Variants in FHAD1 observed in about 807,000 individuals in gnomAD.
FHAD1 encodes forkhead-associated domain-containing protein 1.
Under a neutral mutation model 191.3 loss-of-function variants are expected in FHAD1, and 146 were observed. The ratio of observed to expected loss-of-function variants is 0.76; its 90% CI spans 0.67 to 0.88. The LOEUF (loss-of-function observed/expected upper bound fraction) is 0.88, where lower values mean the gene tolerates loss of function less well. FHAD1 is among the 40% of genes least tolerant of loss of function. The probability of loss-of-function intolerance (pLI) is 0.00; values close to 1 mark genes in which losing one functional copy is unlikely to be tolerated. For missense variants in FHAD1, 1,635 were observed against 1,785.8 expected (o/e 0.92, Z 1.52); for synonymous variants, 616 against 672.3 (o/e 0.92, Z 1.29).
intron 19 of FHAD1, among the ~76,000 whole-genome samples, chr1:15,349,962 C>T (rs139354797): frequency 3.8e-4 from 58 of 152,294 alleles, no homozygotes; most frequent in African/African-American, 7.2e-5. Flanking sequence ...AGCTGGGGGG[C>T]CAGGAGGAGG....
At chr1:15,395,272 C>T (rs935157755) in intron 33 of FHAD1, among the ~76,000 whole-genome samples, 2 of 141,556 alleles carry the variant, frequency 1.4e-5, no homozygotes, top group African/African-American at 2.8e-5. Context: ...CACGCCACTG[C>T]AGTCCAGCCT....
chr1:15,340,873 G>C (rs1049822149), intron 15 of FHAD1, among the ~76,000 whole-genome samples: 3 of 152,044 alleles, frequency 2.0e-5, no homozygotes, highest in Non-Finnish European at 4.4e-5. Context: ...TGATAAGCAT[G>C]GCACTGTTCC....
At position 15,272,443 on chromosome 1, in the gene FHAD1, G is replaced by C. The variant is rs765416342; in HGVS notation, c.214G>C (p.Val72Leu). The C allele has an allele frequency of 1.3e-6, 2 of 1,551,576 alleles. No homozygotes were observed. Among genetic ancestry groups the C allele is most frequent in the Non-Finnish European group, 1.7e-6 (2 of 1,146,994 alleles). Reference sequence around the variant, plus strand: ...TGTCAACGAGTGCCACATTCAAAACGTGGCTGTGAAGCTCATCCCTGGAGA... The same window carrying C: ...TGTCAACGAGTGCCACATTCAAAACCTGGCTGTGAAGCTCATCCCTGGAGA... ...TFVNECHIQN[V>L]AVKLIPGDIL... Residue 72 changes from valine to leucine, a missense_variant, in exon 3 of 34, where the codon GTG becomes CTG. Coordinates refer to ENST00000688493, the MANE Select transcript of FHAD1 (RefSeq NM_001391957.1).
intron 6 of FHAD1, among the ~76,000 whole-genome samples, chr1:15,303,082 A>C (rs926369551): frequency 3.3e-5 from 5 of 152,204 alleles, no homozygotes; most frequent in African/African-American, 1.2e-4. Context: ...GTGACTACCC[A>C]GTGCCAGGCC....
At chr1:15,258,984 A>T (rs187919448) in intron 2 of FHAD1, among the ~76,000 whole-genome samples, 148 of 152,254 alleles carry the variant, frequency 9.7e-4, no homozygotes, top group African/African-American at 3.3e-3. Flanking sequence ...TTTTTGAGGA[A>T]CTGCCATACT....
At chr1:15,265,961 A>G in intron 2 of FHAD1, among the ~76,000 whole-genome samples, 1 of 94,806 alleles carries the variant, frequency 1.1e-5, no homozygotes. Context: ...ACAGAGCAAG[A>G]CTCCATCTCA....
At chr1:15,356,980 T>C (rs1186687296) in intron 20 of FHAD1, among the ~76,000 whole-genome samples, 1 of 152,210 alleles carries the variant, frequency 6.6e-6, no homozygotes, top group African/African-American at 2.4e-5. Flanking sequence ...AGCCGATTTC[T>C]TTTCTTCTCC....
chr1:15,339,931 T>G (rs187620379), intron 15 of FHAD1, among the ~76,000 whole-genome samples: 1 of 152,300 alleles, frequency 6.6e-6, no homozygotes, highest in African/African-American at 2.4e-5. Flanking sequence ...GTTCAAGTGA[T>G]TCTCCTGCTT....
At position 15,328,345 on chromosome 1, in the gene FHAD1, GA is replaced by G. The variant is rs1287185945; in HGVS notation, c.1629del (p.Glu544ArgfsTer4). The G allele has an allele frequency of 6.5e-7, 1 of 1,547,758 alleles. No homozygotes were observed. Among genetic ancestry groups the G allele is most frequent in the Non-Finnish European group, 8.7e-7 (1 of 1,145,976 alleles). On this transcript the variant is annotated frameshift_variant, in exon 13 of 34. Coordinates refer to ENST00000688493, the MANE Select transcript of FHAD1 (RefSeq NM_001391957.1). LOFTEE classifies it high-confidence loss of function. ...TTCAGCAGAAAAAGTGGACCCTCCA[GA>G]AAGAGACCCAGCTGAGCAACTCCAA... Reference protein sequence around the residue: ...NFQQKKWTLQKETQLSNSKQE... With the variant: ...NFQQKKWTLQXETQLSNSKQE...
At chr1:15,297,843 A>T (rs867917603) in intron 5 of FHAD1, among the ~76,000 whole-genome samples, 1 of 151,288 alleles carries the variant, frequency 6.6e-6, no homozygotes, top group Non-Finnish European at 1.5e-5. Context: ...CCACAGATTT[A>T]TTTTTTTAAG....
downstream of FHAD1, among the ~76,000 whole-genome samples, chr1:15,400,737 C>T (rs937540315): frequency 5.3e-5 from 8 of 152,226 alleles, no homozygotes; most frequent in Non-Finnish European, 7.3e-5. Flanking sequence ...TCCACTGCCA[C>T]GCTTTGTCTC....
chr1:15,311,981 G>A lies in FHAD1; in HGVS notation c.1040-1076G>A, dbSNP rs1356958635. 1 of 152,274 alleles carries A rather than the reference G, an allele frequency of 6.6e-6. No homozygotes were observed. The highest frequency in any genetic ancestry group is 2.4e-5 in the African/African-American group (1 of 41,466). The allele number at this position is 152,274 out of a possible 1,614,324, so 9.4% of individuals were successfully genotyped here. ...TCTGGAATGACTCGCTCACATGGCT[G>A]TTGGCTGGAGGCCTCAGTTCCTCAC... On this transcript the variant is annotated intron_variant, in intron 7 of 33. Coordinates refer to ENST00000688493, the MANE Select transcript of FHAD1 (RefSeq NM_001391957.1). The surrounding 1 kb of genome is among the most constrained non-coding windows in gnomAD (Gnocchi z 4.1).
intron 28 of FHAD1, among the ~76,000 whole-genome samples, chr1:15,379,946 A>G (rs1177528784): frequency 6.6e-6 from 1 of 152,242 alleles, no homozygotes; most frequent in African/African-American, 2.4e-5. Flanking sequence ...CAGACACAGT[A>G]ACAATCTGAT....
At chr1:15,398,611 A>G (rs999163570), downstream of FHAD1, among the ~76,000 whole-genome samples, 1 of 152,102 alleles carries the variant, frequency 6.6e-6, no homozygotes, top group Non-Finnish European at 1.5e-5. Context: ...GGCCACAAGG[A>G]CAGACCAAGT....
chr1:15,347,260 C>T (rs541414489), intron 18 of FHAD1, among the ~76,000 whole-genome samples: 6 of 152,270 alleles, frequency 3.9e-5, no homozygotes, highest in African/African-American at 1.4e-4. Context: ...ACAGCAAAAG[C>T]CTGGGGAAGA....
intron 3 of FHAD1, among the ~76,000 whole-genome samples, chr1:15,281,654 G>A (rs1393094136): frequency 2.0e-5 from 3 of 151,168 alleles, no homozygotes; most frequent in Non-Finnish European, 2.9e-5. Flanking sequence ...CTAGCTCCTC[G>A]GGAGGCTGAG....
Position 15,375,590 on chromosome 1 carries a change from A to G in FHAD1, c.3578-13A>G. 1 of 1,512,334 alleles carries G rather than the reference A, an allele frequency of 6.6e-7. No individual in the cohort carries two copies. The highest frequency in any genetic ancestry group is 8.8e-7 in the Non-Finnish European group (1 of 1,134,644). 93.7% of individuals were successfully genotyped at this position (1,512,334 alleles called of 1,614,324 possible). A position where few individuals can be genotyped will look rare whatever the true frequency, so the allele number is the denominator to read the frequency against. On this transcript the variant is annotated splice_polypyrimidine_tract_variant and intron_variant, in intron 27 of 33. Transcript: ENST00000688493. ...TGAGCCTTTCTTTTGAGTCTACTTT[A>G]TTTCTTTTACAGATCATAAAGACCA... is the stretch of plus-strand genomic sequence containing the variant.
In FHAD1 at chr1:15,329,225, C is replaced by T. The variant is rs552525938; in HGVS notation, c.1711-121C>T. On this transcript the variant is annotated intron_variant, in intron 13 of 33. Transcript: ENST00000688493. The surrounding 1 kb of genome is among the most constrained non-coding windows in gnomAD (Gnocchi z 5.0). ...AGAAAAAAACTGAGTCCTCCCAAGG[C>T]GGCCAATACGTGGCGCTGCCTGCTT... is the stretch of plus-strand genomic sequence containing the variant. 3.7e-5 allele frequency: 27 copies of T among 736,542 alleles called. No individual in the cohort carries two copies. Among genetic ancestry groups the T allele is most frequent in the Middle Eastern group, 4.2e-4 (1 of 2,406 alleles). The allele number at this position is 736,542 out of a possible 1,614,324, so 45.6% of individuals were successfully genotyped here.
chr1:15,360,735 G>A, intron 22 of FHAD1, 32 bp downstream of exon 22: 1 of 1,533,054 alleles, frequency 6.5e-7, no homozygotes, highest in Non-Finnish European at 8.8e-7. Context: ...GGAAATCTTA[G>A]TGTTCGGGGC....
Sources: gnomAD v4.1 joint callset for allele counts (sites outside exome capture counted in the v4.1 genomes callset) on GRCh38, gnomAD v4.1.1 for gene constraint, Gnocchi (gnomAD v3.1) non-coding constraint, MANE v1.5 for transcripts, NCBI Gene and HGNC (gene_info 2026-07-23, HGNC 2026-07-21) for gene names.